DLC1: variants seen among roughly 807,000 people sequenced by gnomAD.
The protein encoded by DLC1 is DLC1 Rho GTPase activating protein.
A neutral mutation model predicts 140.3 loss-of-function variants in DLC1; 54 were observed. That is an observed-to-expected ratio of 0.38 (90% CI 0.31 to 0.48). The LOEUF is 0.48. DLC1 is among the 20% of genes least tolerant of loss of function. The pLI is 0.96. For missense variants in DLC1, 2,536 were observed against 1,907.0 expected, an observed-to-expected ratio of 1.33 and a Z score of -6.14; for synonymous variants, 986 against 728.1, an observed-to-expected ratio of 1.35 and a Z score of -5.70.
chr8:13,378,334 C>T (rs567185540), intron 4 of DLC1, among the ~76,000 whole-genome samples: 21 of 151,394 alleles, frequency 1.4e-4, no homozygotes, highest in East Asian at 3.9e-4. Context: ...TATCTAAATG[C>T]GATAGAATTT....
Position 13,095,190 on chromosome 8 carries a change from C to T in DLC1, c.3223G>A (p.Val1075Met). The change falls in exon 11 of 18, where the codon GTG (valine) becomes ATG (methionine). Residue 1075 changes from valine (V) to methionine (M), a missense_variant. Transcript: ENST00000276297. ...TTGACCGTCAGTGGGACCCCAAACA[C>T]ACTCCGGTCCTTGTAGTCTGGAACC... ...IKVPDYKDRS[V>M]FGVPLTVNVQ... is the part of the protein sequence containing the mutation. The T allele has an allele frequency of 6.2e-7, 1 of 1,614,256 alleles. No individual in the cohort carries two copies. The highest frequency in any genetic ancestry group is 8.5e-7 in the Non-Finnish European group (1 of 1,180,052).
intron 16 of DLC1, 28 bp downstream of exon 16, chr8:13,088,459 C>A: frequency 1.2e-6 from 2 of 1,612,042 alleles, no homozygotes; most frequent in South Asian, 2.2e-5. Flanking sequence ...TCATCCTTGT[C>A]ACAAAAAAAC....
At chr8:13,325,637 C>T (rs1016660967) in intron 4 of DLC1, among the ~76,000 whole-genome samples, 5 of 152,074 alleles carry the variant, frequency 3.3e-5, no homozygotes, top group African/African-American at 7.2e-5. Flanking sequence ...TAAAGACCAA[C>T]CTCTGAAAAC....
intron 5 of DLC1, among the ~76,000 whole-genome samples, chr8:13,126,368 TACACAC>T (rs3065349): frequency 4.7e-4 from 69 of 145,596 alleles, no homozygotes; most frequent in East Asian, 4.0e-4. Context: ...TCTCTATCCA[TACACAC>T]ACACACACAC....
chr8:13,518,358 C>T (rs772458585), upstream of DLC1, among the ~76,000 whole-genome samples: 20 of 152,312 alleles, frequency 1.3e-4, no homozygotes, highest in Admixed American at 6.5e-4. Context: ...ATCTGCCTGC[C>T]TCGGCCTCCC....
intron 5 of DLC1, among the ~76,000 whole-genome samples, chr8:13,207,532 A>G (rs1002854028): frequency 1.3e-5 from 2 of 152,212 alleles, no homozygotes; most frequent in Admixed American, 6.5e-5. Flanking sequence ...GTTATTCATT[A>G]TAACATTTAT....
intron 5 of DLC1, among the ~76,000 whole-genome samples, chr8:13,291,213 G>A (rs190859097): frequency 5.4e-4 from 82 of 152,262 alleles, no homozygotes; most frequent in African/African-American, 1.8e-3. Context: ...CTGGCCATGT[G>A]CAGACATATC....
chr8:13,268,271 TA>T (rs1830771536), intron 5 of DLC1, among the ~76,000 whole-genome samples: 1 of 152,214 alleles, frequency 6.6e-6, no homozygotes, highest in South Asian at 2.1e-4. Flanking sequence ...TTTTGTCTTA[TA>T]AAGAGGAGAA....
At chr8:13,356,044 C>T (rs886638905) in intron 4 of DLC1, among the ~76,000 whole-genome samples, 2 of 140,214 alleles carry the variant, frequency 1.4e-5, no homozygotes, top group Non-Finnish European at 3.0e-5. Flanking sequence ...GAGCCGGGAT[C>T]GCGCCACTGC....
chr8:13,604,419 T>C (rs919887543), intron 1 of DLC1: 2 of 152,198 alleles, frequency 1.3e-5, no homozygotes, highest in African/African-American at 2.4e-5. Flanking sequence ...ATTTCATGAA[T>C]AAAATATGTG....
intron 4 of DLC1, among the ~76,000 whole-genome samples, chr8:13,335,276 A>G (rs1198347605): frequency 1.3e-5 from 2 of 152,196 alleles, no homozygotes; most frequent in East Asian, 3.8e-4. Context: ...GGATTGAAGG[A>G]AATCAGGCAA....
chr8:13,587,544 TACAC>T (rs377724474), intron 1 of DLC1, among the ~76,000 whole-genome samples: 59 of 142,200 alleles, frequency 4.1e-4, no homozygotes, highest in African/African-American at 1.0e-3. Flanking sequence ...AATGTGACTA[TACAC>T]ACACACACAC....
chr8:13,083,797 C>G lies in DLC1; in HGVS notation c.*2014G>C, dbSNP rs1817337155. The G allele has an allele frequency of 6.6e-6, 1 of 152,544 alleles. No homozygotes were observed. The highest frequency in any genetic ancestry group is 1.5e-5 in the Non-Finnish European group (1 of 68,032). 9.4% of individuals were successfully genotyped at this position (152,544 alleles called of 1,614,324 possible). A position where few individuals can be genotyped will look rare whatever the true frequency, so the allele number is the denominator to read the frequency against. On this transcript the variant is annotated 3_prime_UTR_variant, in exon 18 of 18. Coordinates refer to ENST00000276297, the MANE Select transcript of DLC1 (RefSeq NM_182643.3). ...GTTTGGCCTTGGAATGATTTGCAGTCCGATTTTTCCTTCAGCAAATCGCTC... is the reference window on the plus strand; with the variant it reads ...GTTTGGCCTTGGAATGATTTGCAGTGCGATTTTTCCTTCAGCAAATCGCTC...
At chr8:13,194,219 A>C (rs1826924987) in intron 5 of DLC1, among the ~76,000 whole-genome samples, 1 of 152,204 alleles carries the variant, frequency 6.6e-6, no homozygotes, top group Non-Finnish European at 1.5e-5. Flanking sequence ...GGGGACATTC[A>C]TCACCATCCT....
At position 13,284,355 on chromosome 8, in the gene DLC1, C is replaced by T. The variant is rs564436667; in HGVS notation, c.1348+20914G>A. Among the ~76,000 whole-genome samples the T allele has an allele frequency of 9.2e-5, 14 of 152,096 alleles. No individual in the cohort carries two copies. The East Asian group carries it at 2.3e-3, about 25-fold the overall frequency. On this transcript the variant is annotated intron_variant, in intron 5 of 17. Coordinates refer to ENST00000276297, the MANE Select transcript of DLC1 (RefSeq NM_182643.3). Reference sequence around the variant, plus strand: ...CAGCCTGACCAACATGGTGAAACCCCGTCTCTACTAAAAATAGAAAAATTA... The same window carrying T: ...CAGCCTGACCAACATGGTGAAACCCTGTCTCTACTAAAAATAGAAAAATTA...
intron 4 of DLC1, among the ~76,000 whole-genome samples, chr8:13,355,044 TATAGTC>T (rs1834862322): frequency 6.6e-6 from 1 of 151,970 alleles, no homozygotes; most frequent in Non-Finnish European, 1.5e-5. Flanking sequence ...TTGGGAGAGT[TATAGTC>T]ATAATCATCT....
At chr8:13,600,982 C>T (rs1418919643) in intron 1 of DLC1, among the ~76,000 whole-genome samples, 1 of 151,690 alleles carries the variant, frequency 6.6e-6, no homozygotes, top group African/African-American at 2.4e-5. Context: ...TTTGTTTATT[C>T]AGTACTTCTT....
chr8:13,603,517 T>C (rs1178543082), intron 1 of DLC1, among the ~76,000 whole-genome samples: 4 of 151,972 alleles, frequency 2.6e-5, no homozygotes, highest in Non-Finnish European at 5.9e-5. Flanking sequence ...TTACCTTCCT[T>C]GCAAACTCTG....
At chr8:13,104,874 A>C (rs1819425287) in intron 7 of DLC1, among the ~76,000 whole-genome samples, 1 of 152,236 alleles carries the variant, frequency 6.6e-6, no homozygotes, top group Non-Finnish European at 1.5e-5. Context: ...AAAAGTCTGC[A>C]CACTTTAAAA....
Sources: gnomAD v4.1 joint callset for allele counts (sites outside exome capture counted in the v4.1 genomes callset) on GRCh38, gnomAD v4.1.1 for gene constraint, MANE v1.5 for transcripts, NCBI Gene and HGNC (gene_info 2026-07-23, HGNC 2026-07-21) for gene names.